Variants in GAB4 observed in about 807,000 individuals in gnomAD.
The protein encoded by GAB4 is GRB2 associated binding protein family member 4, also known as GRB2-associated-binding protein 4.
GAB4 carries 26 observed loss-of-function variants against 51.3 expected under a neutral mutation model. That is an observed-to-expected ratio of 0.51 (90% CI 0.37 to 0.70). The LOEUF (loss-of-function observed/expected upper bound fraction) is 0.70, where lower values mean the gene tolerates loss of function less well. Ranked by LOEUF, GAB4 falls within the 30% of genes least tolerant of loss-of-function variation. The probability of loss-of-function intolerance (pLI) is 0.00; values close to 1 mark genes in which losing one functional copy is unlikely to be tolerated. For missense variants in GAB4, 759 were observed against 734.6 expected, an observed-to-expected ratio of 1.03 and a Z score of -0.38; for synonymous variants, 329 against 291.2, an observed-to-expected ratio of 1.13 and a Z score of -1.32.
At chr22:16,984,495 C>T (rs914474649) in intron 3 of GAB4, among the ~76,000 whole-genome samples, 1 of 152,172 alleles carries the variant, frequency 6.6e-6, no homozygotes, top group African/African-American at 2.4e-5. Context: ...TCTGTGTCTT[C>T]CAATTAAAAC....
At chr22:16,992,224 G>T in intron 1 of GAB4, 48 bp from the exon 2 acceptor site, 1 of 1,521,498 alleles carries the variant, frequency 6.6e-7, no homozygotes, top group Non-Finnish European at 9.0e-7. Flanking sequence ...TTATTACAAA[G>T]CTTTTAACAG....
At chr22:16,996,984 C>T (rs1429848374) in intron 1 of GAB4, among the ~76,000 whole-genome samples, 2 of 152,098 alleles carry the variant, frequency 1.3e-5, no homozygotes, top group Non-Finnish European at 2.9e-5. Flanking sequence ...CTACAAAGGA[C>T]ATGAACTCAT....
Position 16,964,869 on chromosome 22 carries a change from T to C in GAB4, c.1380-7A>G, listed in dbSNP as rs1455039141. The C allele has an allele frequency of 6.2e-7, 1 of 1,611,374 alleles. No individual in the cohort carries two copies. The highest frequency in any genetic ancestry group is 8.5e-7 in the Non-Finnish European group (1 of 1,177,714). On this transcript the variant is annotated splice_region_variant and splice_polypyrimidine_tract_variant and intron_variant, in intron 7 of 9. Coordinates refer to ENST00000400588, the MANE Select transcript of GAB4 (RefSeq NM_001037814.1). ...GCTGGAGTCAAAGGTGTGGCTGTCA[T>C]GGGAAGAAGGCAAGGAGTACATCCT...
chr22:16,971,464 G>C (rs2060731452), intron 3 of GAB4, among the ~76,000 whole-genome samples: 1 of 152,226 alleles, frequency 6.6e-6, no homozygotes, highest in Non-Finnish European at 1.5e-5. Flanking sequence ...CTAGGAAATT[G>C]CAGGATGTAG....
Position 16,976,957 on chromosome 22 carries a change from G to A in GAB4, c.687-6764C>T, listed in dbSNP as rs144626248. Among the ~76,000 whole-genome samples the A allele has an allele frequency of 3.4e-3, 516 of 152,286 alleles. 3 individuals carry two copies. The highest frequency in any genetic ancestry group is 0.012 in the African/African-American group (497 of 41,544). On this transcript the variant is annotated intron_variant, in intron 3 of 9. Coordinates refer to ENST00000400588, the MANE Select transcript of GAB4 (RefSeq NM_001037814.1). ...TGAAGGAGAAATAAATTTCTTTACA[G>A]ACAAGCAAATGCTGAGAGATTTTTG...
At chr22:16,996,535 A>G (rs1400844975) in intron 1 of GAB4, among the ~76,000 whole-genome samples, 2 of 152,182 alleles carry the variant, frequency 1.3e-5, no homozygotes, top group Non-Finnish European at 2.9e-5. Context: ...AATGAAGGGA[A>G]AAAATGGTAA....
rs1198246698 is a variant in GAB4, at chr22:16,983,181, C to T, written c.686+4779G>A. On this transcript the variant is annotated intron_variant, in intron 3 of 9. Coordinates refer to ENST00000400588, the MANE Select transcript of GAB4 (RefSeq NM_001037814.1). ...CGCTTGATGCATCACTACCTTTCAA[C>T]CCCACATCCTCACCACCTGTTTCTT... 3.3e-5 allele frequency among the ~76,000 whole-genome samples: 5 copies of T among 151,890 alleles called. No individual in the cohort carries two copies. In the East Asian group the frequency reaches 9.6e-4, roughly 29 times the overall value.
In GAB4 at chr22:16,970,212, G is replaced by A. The variant is rs775717558; in HGVS notation, c.687-19C>T. 2 of 1,613,412 alleles carry A rather than the reference G, an allele frequency of 1.2e-6. No individual in the cohort carries two copies. The highest frequency in any genetic ancestry group is 1.7e-6 in the Non-Finnish European group (2 of 1,179,582). On this transcript the variant is annotated intron_variant, in intron 3 of 9. Transcript: ENST00000400588. ...GGCACTCCTAAGAGAGAGAAAGAAGGGAAGGGGCAGGGGTGAGAGGAGGCC... is the reference window on the plus strand; with the variant it reads ...GGCACTCCTAAGAGAGAGAAAGAAGAGAAGGGGCAGGGGTGAGAGGAGGCC...
intron 1 of GAB4, 117 bp from the exon 2 acceptor site, chr22:16,992,293 C>T: frequency 1.1e-6 from 1 of 872,254 alleles, no homozygotes. Flanking sequence ...CTATGTCTCC[C>T]TTTCGGATTT....
At chr22:16,985,486 A>G (rs983529197) in intron 3 of GAB4, among the ~76,000 whole-genome samples, 1 of 152,226 alleles carries the variant, frequency 6.6e-6, no homozygotes, top group Admixed American at 6.5e-5. Context: ...CCTTCAAACA[A>G]TTGTTTTCTA....
intron 5 of GAB4, chr22:16,967,570 G>C (rs1346392462): frequency 1.3e-5 from 2 of 152,420 alleles, no homozygotes; most frequent in East Asian, 3.8e-4. Context: ...CAAGGTATCA[G>C]GGAGGTATAG....
chr22:17,002,232 G>T (rs1210185400), intron 1 of GAB4, among the ~76,000 whole-genome samples: 2 of 152,188 alleles, frequency 1.3e-5, no homozygotes, highest in East Asian at 1.9e-4. Context: ...CATTGCTCAT[G>T]CTGGGAGCTG....
chr22:17,006,425 A>C (rs893386257), intron 1 of GAB4, among the ~76,000 whole-genome samples: 3 of 152,158 alleles, frequency 2.0e-5, no homozygotes, highest in African/African-American at 7.2e-5. Flanking sequence ...AAATTAGTTC[A>C]ACTATTGTCA....
At chr22:17,003,864 CA>C (rs1601294408) in intron 1 of GAB4, among the ~76,000 whole-genome samples, 1 of 152,110 alleles carries the variant, frequency 6.6e-6, no homozygotes, top group East Asian at 1.9e-4. Flanking sequence ...AAAAACCCTT[CA>C]AAAAATCAGT....
chr22:16,989,955 G>A (rs2060900294), intron 2 of GAB4, among the ~76,000 whole-genome samples: 1 of 152,158 alleles, frequency 6.6e-6, no homozygotes, highest in Non-Finnish European at 1.5e-5. Context: ...CCTGCCGCAA[G>A]GCAGACACCC....
intron 4 of GAB4, 26 bp from the exon 5 acceptor site, chr22:16,968,409 T>A: frequency 6.4e-7 from 1 of 1,555,918 alleles, no homozygotes; most frequent in African/African-American, 1.4e-5. Context: ...GAGATCCACA[T>A]GCATCACAGC....
At chr22:17,006,336 C>G (rs1478439957) in intron 1 of GAB4, among the ~76,000 whole-genome samples, 4 of 152,072 alleles carry the variant, frequency 2.6e-5, no homozygotes, top group Non-Finnish European at 1.5e-5. Context: ...GAATGGCCAT[C>G]ATTAAAAAGT....
At chr22:17,003,152 C>T (rs1237032989) in intron 1 of GAB4, among the ~76,000 whole-genome samples, 2 of 152,098 alleles carry the variant, frequency 1.3e-5, no homozygotes, top group Admixed American at 6.5e-5. Context: ...ATATATGCAC[C>T]CAAGACAGGG....
At chr22:16,965,904 T>C (rs1246980268) in intron 6 of GAB4, among the ~76,000 whole-genome samples, 196 bp downstream of exon 6, 4 of 152,232 alleles carry the variant, frequency 2.6e-5, no homozygotes, top group Non-Finnish European at 4.4e-5. Flanking sequence ...CCAGGGCCAC[T>C]GTCCCAGACA....
Sources: allele counts gnomAD v4.1 joint callset (sites outside exome capture counted in the v4.1 genomes callset), GRCh38; gene constraint gnomAD v4.1.1; transcripts MANE v1.5; gene names NCBI Gene and HGNC (gene_info 2026-07-23, HGNC 2026-07-21).